Variants in NKTR observed in about 807,000 individuals in gnomAD.
NKTR encodes NK-tumor recognition protein.
A neutral mutation model predicts 156.3 loss-of-function variants in NKTR; 67 were observed. The ratio of observed to expected loss-of-function variants is 0.43; its 90% CI spans 0.35 to 0.53. The LOEUF is 0.53. Ranked by LOEUF, NKTR falls within the 20% of genes least tolerant of loss-of-function variation. The pLI is 0.01. For missense variants in NKTR, 1,604 were observed against 1,730.9 expected (o/e 0.93, Z 1.30); for synonymous variants, 640 against 596.6 (o/e 1.07, Z -1.06).
chr3:42,638,015 A>G lies in NKTR; in HGVS notation c.2311A>G (p.Lys771Glu), dbSNP rs1401211836. ...TGGGAAAAAAAATAGCGTTTCACAT[A>G]AAAAGCATAGCAGCAGCTCTGAAAA... ...SSGKKNSVSH[K>E]KHSSSSEKTL... The change falls in exon 13 of 17, where the codon AAA (lysine) becomes GAA (glutamate). Residue 771 changes from lysine to glutamate, a missense_variant. This residue lies in a region of NKTR where 1,255 missense variants were observed against 1,243.7 expected (regional missense o/e 1.01). Transcript: ENST00000232978. 6.2e-7 allele frequency: 1 copy of G among 1,614,198 alleles called. No individual in the cohort carries two copies. The highest frequency in any genetic ancestry group is 1.7e-5 in the Admixed American group (1 of 60,030).
At chr3:42,623,343 G>A (rs1192612964) in intron 6 of NKTR, among the ~76,000 whole-genome samples, 3 of 151,992 alleles carry the variant, frequency 2.0e-5, no homozygotes, top group Non-Finnish European at 4.4e-5. Flanking sequence ...TTTTTAGTTT[G>A]AAATTTCCTT....
chr3:42,622,819 G>C (rs1708035398), intron 6 of NKTR, among the ~76,000 whole-genome samples: 1 of 151,878 alleles, frequency 6.6e-6, no homozygotes, highest in Non-Finnish European at 1.5e-5. Context: ...CTTTGGTTGA[G>C]GTTTCCCATT....
At position 42,607,969 on chromosome 3, in the gene NKTR, C is replaced by CTTTTTT. The variant is rs201803926; in HGVS notation, c.58+6943_58+6948dup. ...TGCCAATCGCAAGTCCTGAGTCGCT[C>CTTTTTT]TTTTTTTTTTTTTTTTTTTTTTTTT... On this transcript the variant is annotated intron_variant, in intron 2 of 16. Coordinates refer to ENST00000232978, the MANE Select transcript of NKTR (RefSeq NM_005385.4). Among the ~76,000 whole-genome samples, 131 of 74,904 alleles carry CTTTTTT rather than the reference C, an allele frequency of 1.7e-3. 5 individuals are homozygous for CTTTTTT. Among genetic ancestry groups the CTTTTTT allele is most frequent in the Non-Finnish European group, 2.9e-3 (99 of 33,880 alleles). 49.1% of individuals were successfully genotyped at this position (74,904 alleles called of 152,430 possible). A position where few individuals can be genotyped will look rare whatever the true frequency, so the allele number is the denominator to read the frequency against.
At chr3:42,610,234 C>T (rs901759964) in intron 2 of NKTR, among the ~76,000 whole-genome samples, 4 of 152,106 alleles carry the variant, frequency 2.6e-5, no homozygotes, top group Admixed American at 2.6e-4. Context: ...GAACTCCCGA[C>T]CTCAGGTGAT....
At chr3:42,634,579 A>AT in intron 10 of NKTR, 34 bp from the exon 11 acceptor site, 1 of 1,256,020 alleles carries the variant, frequency 8.0e-7, no homozygotes, top group East Asian at 2.4e-5. Flanking sequence ...TTCTTTGCTT[A>AT]TTTTTAATTT....
intron 10 of NKTR, 129 bp from the exon 11 acceptor site, chr3:42,634,484 T>G: frequency 1.9e-6 from 1 of 528,216 alleles, no homozygotes; most frequent in South Asian, 3.0e-5. Context: ...TGATATTGTC[T>G]TGTTTTAAAA....
chr3:42,628,311 A>AAAT (rs1167697374), intron 6 of NKTR: 1 of 985,262 alleles, frequency 1.0e-6, no homozygotes, highest in Non-Finnish European at 1.2e-6. Flanking sequence ...TACTGCTATA[A>AAAT]AGGACCAAGT....
intron 13 of NKTR, among the ~76,000 whole-genome samples, chr3:42,641,906 C>G (rs1479981805): frequency 2.0e-5 from 3 of 151,944 alleles, no homozygotes; most frequent in Non-Finnish European, 4.4e-5. Context: ...CTTTGATGTA[C>G]CAGTGCCACC....
intron 2 of NKTR, among the ~76,000 whole-genome samples, chr3:42,616,394 A>T (rs1707372258): frequency 6.6e-6 from 1 of 152,170 alleles, no homozygotes; most frequent in African/African-American, 2.4e-5. Flanking sequence ...ATAGTAATAG[A>T]TTATGATTTG....
chr3:42,630,872 T>C (rs986092995), intron 7 of NKTR: 13 of 1,365,734 alleles, frequency 9.5e-6, no homozygotes, highest in Admixed American at 3.4e-5. Context: ...CAATATCATG[T>C]GTCCCTGTAA....
At chr3:42,614,731 C>A (rs970811334) in intron 2 of NKTR, among the ~76,000 whole-genome samples, 11 of 151,770 alleles carry the variant, frequency 7.2e-5, no homozygotes, top group African/African-American at 2.2e-4. Flanking sequence ...GTTTTTAAAC[C>A]CTTCAAATTG....
At chr3:42,645,807 T>C in intron 16 of NKTR, 81 bp from the exon 17 acceptor site, 4 of 860,916 alleles carry the variant, frequency 4.6e-6, no homozygotes, top group Non-Finnish European at 7.3e-6. Flanking sequence ...TTCAAGCCAC[T>C]CATATAAAAA....
intron 3 of NKTR, among the ~76,000 whole-genome samples, chr3:42,618,734 G>A (rs1191670432): frequency 6.6e-6 from 1 of 152,166 alleles, no homozygotes; most frequent in Non-Finnish European, 1.5e-5. Flanking sequence ...GTGTGCCATT[G>A]CGCCTGACCT....
chr3:42,603,845 C>T (rs1035252598), intron 2 of NKTR, among the ~76,000 whole-genome samples: 3 of 151,554 alleles, frequency 2.0e-5, no homozygotes, highest in African/African-American at 7.3e-5. Flanking sequence ...AAGCGATTCT[C>T]CTGCCTCAGC....
intron 2 of NKTR, chr3:42,601,986 A>G (rs1246405209): frequency 6.6e-6 from 1 of 152,218 alleles, no homozygotes; most frequent in East Asian, 1.9e-4. Flanking sequence ...TATTTTAATA[A>G]GTTGGTCAGA....
intron 2 of NKTR, among the ~76,000 whole-genome samples, chr3:42,613,192 T>C (rs1034369572): frequency 6.6e-6 from 1 of 152,140 alleles, no homozygotes; most frequent in Non-Finnish European, 1.5e-5. Context: ...TCATATTGTG[T>C]AGCAGCTGCA....
At chr3:42,630,366 A>T in intron 6 of NKTR, 180 bp from the exon 7 acceptor site, 1 of 1,406,526 alleles carries the variant, frequency 7.1e-7, no homozygotes. Context: ...TAAATTAGTA[A>T]GATGGCTACT....
At chr3:42,632,974 A>G in intron 9 of NKTR, 151 bp downstream of exon 9, 1 of 1,325,052 alleles carries the variant, frequency 7.5e-7, no homozygotes, top group Non-Finnish European at 9.7e-7. Flanking sequence ...CAAATCTAGG[A>G]GTAGGTAGCA....
At chr3:42,633,294 A>C (rs950413577) in intron 9 of NKTR, 4 of 972,880 alleles carry the variant, frequency 4.1e-6, no homozygotes, top group Non-Finnish European at 3.9e-6. Context: ...CTCCCACCTA[A>C]GACCCCTAAA....
Sources: allele counts gnomAD v4.1 joint callset (sites outside exome capture counted in the v4.1 genomes callset), GRCh38; gene constraint gnomAD v4.1.1; regional missense constraint gnomAD v4.1.1; transcripts MANE v1.5; gene names NCBI Gene and HGNC (gene_info 2026-07-23, HGNC 2026-07-21).